COX7A2L: variants seen among roughly 807,000 people sequenced by gnomAD.
The protein encoded by COX7A2L is cytochrome c oxidase subunit 7A2 like.
COX7A2L carries 18 observed loss-of-function variants against 14.2 expected under a neutral mutation model. That is an observed-to-expected ratio of 1.27 (90% CI 0.88 to 1.88). The LOEUF is 1.88. Ranked by LOEUF, COX7A2L falls within the 40% of genes most tolerant of loss-of-function variation. The pLI, the probability that COX7A2L is intolerant of heterozygous loss-of-function variation, is 0.00. For missense variants in COX7A2L, 179 were observed against 138.8 expected (o/e 1.29, Z -1.46); for synonymous variants, 65 against 57.4 (o/e 1.13, Z -0.60).
rs549341219 is a variant in COX7A2L, at chr2:42,341,207, G to C, written c.193-7338C>G. On this transcript the variant is annotated intron_variant, in intron 2 of 2. Transcript: ENST00000468711. Reference sequence around the variant, plus strand: ...GCTGTGGCCACTAGACAGGAGCGTGGAATGCTGGCCCTCAGGAGACTGAGG... The same window carrying C: ...GCTGTGGCCACTAGACAGGAGCGTGCAATGCTGGCCCTCAGGAGACTGAGG... Among the ~76,000 whole-genome samples, 19 of 152,228 alleles carry C rather than the reference G, an allele frequency of 1.2e-4. No individual in the cohort carries two copies. In the East Asian group the frequency reaches 1.5e-3, roughly 12 times the overall value.
downstream of COX7A2L, among the ~76,000 whole-genome samples, chr2:42,348,699 A>C (rs551749310): frequency 1.7e-3 from 256 of 152,280 alleles, 1 homozygote; most frequent in African/African-American, 6.0e-3. Context: ...CGGGCAGATC[A>C]TGAGGTCAGA....
intron 1 of COX7A2L, among the ~76,000 whole-genome samples, chr2:42,353,921 G>A (rs1013899307): frequency 6.6e-6 from 1 of 152,164 alleles, no homozygotes; most frequent in Non-Finnish European, 1.5e-5. Context: ...TGAAGGGGAG[G>A]AAGTACTGAC....
At chr2:42,355,714 G>GTTTT (rs1254293234) in intron 1 of COX7A2L, among the ~76,000 whole-genome samples, 47 of 82,822 alleles carry the variant, frequency 5.7e-4, no homozygotes, top group African/African-American at 7.0e-4. Flanking sequence ...AAAATCCTAC[G>GTTTT]TTCTTTTTTT....
rs79473124 is a variant in COX7A2L, at chr2:42,358,049, T to A, written c.72+3041A>T. On this transcript the variant is annotated intron_variant, in intron 1 of 2. Transcript: ENST00000234301. ...GATCACACAGTAAAATTACGTTTCCTTTTTTAACAAACTGCCAAACTGTTT... is the reference window on the plus strand; with the variant it reads ...GATCACACAGTAAAATTACGTTTCCATTTTTAACAAACTGCCAAACTGTTT... 6.6e-3 allele frequency among the ~76,000 whole-genome samples: 1,010 copies of A among 152,330 alleles called. 11 individuals are homozygous for A. The highest frequency in any genetic ancestry group is 0.023 in the African/African-American group (953 of 41,568).
Position 42,354,534 on chromosome 2 carries a change from T to C in COX7A2L, c.73-1191A>G, listed in dbSNP as rs1226098800. Among the ~76,000 whole-genome samples the C allele has an allele frequency of 2.0e-5, 3 of 152,360 alleles. No homozygotes were observed. The East Asian group carries it at 5.8e-4, about 29-fold the overall frequency. ...CAAATACAGTGATCAGTCCGCTGAT[T>C]CTTGTCTCAAAGAAATCTAAATTTA... is the stretch of plus-strand genomic sequence containing the variant. On this transcript the variant is annotated intron_variant, in intron 1 of 2. Transcript: ENST00000234301.
chr2:42,364,907 G>C (rs1032414507), upstream of COX7A2L, among the ~76,000 whole-genome samples: 2 of 152,120 alleles, frequency 1.3e-5, no homozygotes, highest in African/African-American at 4.8e-5. Flanking sequence ...TGTCAATACA[G>C]TGTGTGAAAC....
chr2:42,343,910 C>A (rs1374575481), intron 2 of COX7A2L, among the ~76,000 whole-genome samples: 1 of 152,216 alleles, frequency 6.6e-6, no homozygotes, highest in African/African-American at 2.4e-5. Context: ...CCTTACCCAA[C>A]AGCTTCACAG....
In COX7A2L at chr2:42,350,478, A is replaced by C. The variant is rs1670600951; in HGVS notation, c.*741T>G. On this transcript the variant is annotated 3_prime_UTR_variant, in exon 3 of 3. Coordinates refer to ENST00000234301, the MANE Select transcript of COX7A2L (RefSeq NM_004718.4). ...TGTTCTGAAATTACTCTGAAAGGTC[A>C]TTCAAAGAACTTCAAACTTAAAATT... is the stretch of plus-strand genomic sequence containing the variant. 2 of 150,650 alleles carry C rather than the reference A, an allele frequency of 1.3e-5. No homozygotes were observed. The highest frequency in any genetic ancestry group is 5.0e-5 in the African/African-American group (2 of 39,962). 9.3% of individuals were successfully genotyped at this position (150,650 alleles called of 1,614,324 possible).
At chr2:42,358,107 C>T (rs768743978) in intron 1 of COX7A2L, among the ~76,000 whole-genome samples, 4 of 152,218 alleles carry the variant, frequency 2.6e-5, no homozygotes, top group Non-Finnish European at 5.9e-5. Context: ...ACCATTTCCA[C>T]CACAAATGTA....
rs1558625463 is a variant in COX7A2L at position 42,338,013 on chromosome 2, G to A, written c.193-4144C>T. Among the ~76,000 whole-genome samples the A allele has an allele frequency of 6.6e-6, 1 of 152,166 alleles. No individual in the cohort carries two copies. Among genetic ancestry groups the A allele is most frequent in the Non-Finnish European group, 1.5e-5 (1 of 68,034 alleles). On this transcript the variant is annotated intron_variant, in intron 2 of 2. Coordinates refer to the COX7A2L transcript ENST00000468711. The surrounding 1 kb of genome is among the most constrained non-coding windows in gnomAD (Gnocchi z 4.4). ...CATGAGGGAAGCCTAGGCGAGGGAG[G>A]GTGTCAGTCTGGGGTATGACTGTGA...
In COX7A2L at chr2:42,339,288, G is replaced by C. The variant is rs1670351113; in HGVS notation, c.193-5419C>G. 6.6e-6 allele frequency among the ~76,000 whole-genome samples: 1 copy of C among 152,210 alleles called. No individual in the cohort carries two copies. Among genetic ancestry groups the C allele is most frequent in the Non-Finnish European group, 1.5e-5 (1 of 68,034 alleles). ...CCGTTGGCACCACCAGGAGCTGAGG[G>C]GTTTCTCGGGCACAGGATCCCCCCA... On this transcript the variant is annotated intron_variant, in intron 2 of 2. Transcript: ENST00000468711. The surrounding 1 kb of genome is among the most constrained non-coding windows in gnomAD (Gnocchi z 5.4).
chr2:42,352,460 A>C (rs886228515), intron 2 of COX7A2L, among the ~76,000 whole-genome samples: 2 of 152,022 alleles, frequency 1.3e-5, no homozygotes, highest in African/African-American at 4.8e-5. Context: ...TTTAACTCAT[A>C]TTTTGCAGTG....
chr2:42,357,930 T>C (rs1475799479), intron 1 of COX7A2L, among the ~76,000 whole-genome samples: 1 of 152,160 alleles, frequency 6.6e-6, no homozygotes, highest in Non-Finnish European at 1.5e-5. Flanking sequence ...ACCTACCCAA[T>C]GCTTCTCCTC....
At chr2:42,361,022 G>T (rs377157337) in intron 1 of COX7A2L, 68 bp downstream of exon 1, 1 of 1,563,704 alleles carries the variant, frequency 6.4e-7, no homozygotes, top group East Asian at 2.3e-5. Context: ...CTCCAACGCC[G>T]CGACTGCCTG....
chr2:42,340,551 C>T (rs776390051), intron 2 of COX7A2L, among the ~76,000 whole-genome samples: 1 of 152,154 alleles, frequency 6.6e-6, no homozygotes, highest in Middle Eastern at 3.2e-3. Flanking sequence ...GGAATGTGCT[C>T]CGTAACGCCT....
At chr2:42,336,607 A>G (rs1476085213) in intron 2 of COX7A2L, among the ~76,000 whole-genome samples, 9 of 152,176 alleles carry the variant, frequency 5.9e-5, no homozygotes. Flanking sequence ...CACTGTCAAC[A>G]GTGATGCCCG....
At chr2:42,344,174 A>G (rs145506533) in intron 2 of COX7A2L, among the ~76,000 whole-genome samples, 3 of 152,366 alleles carry the variant, frequency 2.0e-5, no homozygotes, top group African/African-American at 7.2e-5. Context: ...TATAGTTTCT[A>G]TTGTTATAAA....
intron 1 of COX7A2L, among the ~76,000 whole-genome samples, chr2:42,358,114 T>C (rs1171090137): frequency 6.6e-6 from 1 of 152,234 alleles, no homozygotes; most frequent in Non-Finnish European, 1.5e-5. Flanking sequence ...CCACCACAAA[T>C]GTAACATGTT....
chr2:42,357,006 A>G (rs1670841727), intron 1 of COX7A2L, among the ~76,000 whole-genome samples: 1 of 152,240 alleles, frequency 6.6e-6, no homozygotes, highest in African/African-American at 2.4e-5. Flanking sequence ...AGCTGCTTAA[A>G]TAAGCCCCAC....
Sources: allele counts gnomAD v4.1 joint callset (sites outside exome capture counted in the v4.1 genomes callset), GRCh38; gene constraint gnomAD v4.1.1; non-coding constraint Gnocchi (gnomAD v3.1); transcripts MANE v1.5; gene names NCBI Gene and HGNC (gene_info 2026-07-23, HGNC 2026-07-21).